The following ABCB5 variants were observed in gnomAD, a reference collection of about 807,000 sequenced individuals.
ABCB5 encodes ATP binding cassette subfamily B member 5, also known as ATP-binding cassette sub-family B member 5.
ABCB5 carries 155 observed loss-of-function variants against 144.2 expected under a neutral mutation model. The ratio of observed to expected loss-of-function variants is 1.08; its 90% CI spans 0.94 to 1.23. The LOEUF is 1.23. Ranked by LOEUF, ABCB5 falls within the 50% of genes most tolerant of loss-of-function variation. The pLI, the probability that ABCB5 is intolerant of heterozygous loss-of-function variation, is 0.00. For missense variants in ABCB5, 1,830 were observed against 1,520.8 expected (o/e 1.20, Z -3.38); for synonymous variants, 610 against 528.6 (o/e 1.15, Z -2.11).
chr7:20,627,445 T>C (rs1362939109), intron 3 of ABCB5, among the ~76,000 whole-genome samples: 4 of 152,196 alleles, frequency 2.6e-5, no homozygotes, highest in African/African-American at 7.2e-5. Flanking sequence ...TCATAAAATA[T>C]GCAGTAAGTT....
chr7:20,738,945 C>A, intron 23 of ABCB5, 38 bp from the exon 24 acceptor site: 3 of 1,533,144 alleles, frequency 2.0e-6, no homozygotes, highest in Non-Finnish European at 2.6e-6. Context: ...TACAAAGGAT[C>A]GATGGACCTA....
intron 11 of ABCB5, among the ~76,000 whole-genome samples, chr7:20,649,571 G>A (rs1264485065): frequency 6.6e-6 from 1 of 152,158 alleles, no homozygotes; most frequent in East Asian, 1.9e-4. Context: ...CATCTATCGG[G>A]AGCCACTAAG....
At chr7:20,711,786 T>TTCTCTCTCTCTC (rs1491248865) in intron 20 of ABCB5, among the ~76,000 whole-genome samples, 1,933 of 33,624 alleles carry the variant, frequency 0.057, 519 homozygotes, top group Admixed American at 0.14. Context: ...TTCTCTTTCT[T>TTCTCTCTCTCTC]TCTTTCTTTC....
At chr7:20,675,817 A>G (rs1460459004) in intron 14 of ABCB5, among the ~76,000 whole-genome samples, 1 of 151,990 alleles carries the variant, frequency 6.6e-6, no homozygotes, top group Non-Finnish European at 1.5e-5. Context: ...ATAGTAAAAA[A>G]CAAAAATAAA....
At chr7:20,657,910 G>A (rs1030790259) in intron 13 of ABCB5, among the ~76,000 whole-genome samples, 1 of 152,194 alleles carries the variant, frequency 6.6e-6, no homozygotes, top group Admixed American at 6.5e-5. Flanking sequence ...TACTAGCCAT[G>A]TTTCCTGGGC....
intron 16 of ABCB5, among the ~76,000 whole-genome samples, chr7:20,697,876 G>A (rs575191185): frequency 5.3e-5 from 8 of 152,132 alleles, no homozygotes; most frequent in African/African-American, 9.7e-5. Context: ...TAATGTGCTC[G>A]GATATTGCAA....
At chr7:20,680,655 T>C (rs980801153) in intron 14 of ABCB5, among the ~76,000 whole-genome samples, 3 of 151,906 alleles carry the variant, frequency 2.0e-5, no homozygotes, top group African/African-American at 7.3e-5. Context: ...TTGACCTGGA[T>C]ACCATGATAC....
rs869280391 is a variant in ABCB5 at position 20,710,381 on chromosome 7, AGT to A, written c.2421+5576_2421+5577del. On this transcript the variant is annotated intron_variant, in intron 20 of 27. Transcript: ENST00000404938. ...AAACTCCACCTCAAAAAAAAAAAAA[AGT>A]GGGGGGGGGGCATGACTGTGTTTCA... 2.1e-4 allele frequency among the ~76,000 whole-genome samples: 12 copies of A among 56,746 alleles called. 1 individual carries two copies. Among genetic ancestry groups the A allele is most frequent in the African/African-American group, 7.7e-4 (10 of 13,048 alleles). The allele number at this position is 56,746 out of a possible 152,430, so 37.2% of individuals were successfully genotyped here. A position where few individuals can be genotyped will look rare whatever the true frequency, so the allele number is the denominator to read the frequency against.
intron 24 of ABCB5, among the ~76,000 whole-genome samples, chr7:20,741,646 A>T (rs761889869): frequency 5.5e-4 from 84 of 151,934 alleles, no homozygotes; most frequent in Non-Finnish European, 1.1e-3. Context: ...ATATCATAAA[A>T]TTTTTTTTGT....
chr7:20,629,075 A>G (rs980440916), intron 4 of ABCB5, among the ~76,000 whole-genome samples: 3 of 151,668 alleles, frequency 2.0e-5, no homozygotes, highest in Non-Finnish European at 1.5e-5. Flanking sequence ...AAAATCCCCT[A>G]TTAGTCAGGG....
chr7:20,680,697 T>C (rs938481419), intron 14 of ABCB5, among the ~76,000 whole-genome samples: 12 of 152,316 alleles, frequency 7.9e-5, no homozygotes, highest in Admixed American at 1.3e-4. Flanking sequence ...CACTGATCTG[T>C]ATGTACCCTT....
At chr7:20,738,083 C>T (rs1444589167) in intron 23 of ABCB5, among the ~76,000 whole-genome samples, 1 of 152,206 alleles carries the variant, frequency 6.6e-6, no homozygotes, top group East Asian at 1.9e-4. Context: ...GACGTGTTTA[C>T]TTTGCTGTTA....
chr7:20,750,275 A>G (rs1210035458), intron 26 of ABCB5, among the ~76,000 whole-genome samples: 3 of 152,074 alleles, frequency 2.0e-5, no homozygotes, highest in Non-Finnish European at 2.9e-5. Context: ...AATCAACAGG[A>G]CTTGGCTCAA....
At chr7:20,733,608 T>C (rs1782290546) in intron 23 of ABCB5, among the ~76,000 whole-genome samples, 1 of 151,696 alleles carries the variant, frequency 6.6e-6, no homozygotes, top group Non-Finnish European at 1.5e-5. Context: ...CTAGAGCCAC[T>C]GGTATCACTT....
Position 20,630,113 on chromosome 7 carries a change from C to A in ABCB5, c.259+1275C>A, listed in dbSNP as rs561244425. Among the ~76,000 whole-genome samples, 6 of 152,222 alleles carry A rather than the reference C, an allele frequency of 3.9e-5. No homozygotes were observed. In the South Asian group the frequency reaches 1.2e-3, roughly 32 times the overall value. The stretch of plus-strand genomic sequence containing the variant: ...GTTAAATTCCAGTGATTTTCCTATG[C>A]ACTGATGTAATGACTATGCAGTATT... On this transcript the variant is annotated intron_variant, in intron 4 of 27. Coordinates refer to ENST00000404938, the MANE Select transcript of ABCB5 (RefSeq NM_001163941.2).
chr7:20,721,998 T>G (rs1401680673), intron 20 of ABCB5, among the ~76,000 whole-genome samples: 1 of 152,234 alleles, frequency 6.6e-6, no homozygotes, highest in Non-Finnish European at 1.5e-5. Flanking sequence ...ACTGGTACTT[T>G]GATGCTAGTA....
At chr7:20,718,044 G>A (rs1391030901) in intron 20 of ABCB5, among the ~76,000 whole-genome samples, 1 of 150,322 alleles carries the variant, frequency 6.7e-6, no homozygotes, top group Non-Finnish European at 1.5e-5. Flanking sequence ...TGGGACTACA[G>A]GCGCCCGCCA....
In ABCB5 at chr7:20,645,825, T is replaced by A; in HGVS notation, c.748T>A (p.Leu250Met). ...AGCTGGGGCTGTGGCAGAAGAAGTC[T>A]TGTCATCAATCCGAACAGTCATAGC... The part of the protein sequence containing the change: ...SKAGAVAEEV[L>M]SSIRTVIAFR... Residue 250 changes from leucine to methionine, a missense_variant, in exon 8 of 28, where the codon TTG (leucine) becomes ATG (methionine). Leu to Met is a conservative substitution (Grantham distance 15). Coordinates refer to ENST00000404938, the MANE Select transcript of ABCB5 (RefSeq NM_001163941.2). 1 of 1,613,880 alleles carries A rather than the reference T, an allele frequency of 6.2e-7. No individual in the cohort carries two copies. Among genetic ancestry groups the A allele is most frequent in the South Asian group, 1.1e-5 (1 of 91,084 alleles).
chr7:20,709,416 T>C (rs1322416372), intron 20 of ABCB5, among the ~76,000 whole-genome samples: 1 of 150,034 alleles, frequency 6.7e-6, no homozygotes, highest in Admixed American at 6.6e-5. Flanking sequence ...TCTGCTAATG[T>C]TGACATATTT....
Sources: gnomAD v4.1 joint callset for allele counts (sites outside exome capture counted in the v4.1 genomes callset) on GRCh38, gnomAD v4.1.1 for gene constraint, MANE v1.5 for transcripts, NCBI Gene and HGNC (gene_info 2026-07-23, HGNC 2026-07-21) for gene names.